Variants in FOXF1 observed in about 807,000 individuals in gnomAD.
FOXF1 encodes forkhead box protein F1.
A neutral mutation model predicts 26.6 loss-of-function variants in FOXF1; 9 were observed. That is an observed-to-expected ratio of 0.34 (90% CI 0.20 to 0.59). The LOEUF (loss-of-function observed/expected upper bound fraction) is 0.59. FOXF1 is among the 20% of genes least tolerant of loss of function. The probability of loss-of-function intolerance (pLI) is 0.83; values close to 1 mark genes in which losing one functional copy is unlikely to be tolerated. For missense variants in FOXF1, 499 were observed against 549.9 expected, an observed-to-expected ratio of 0.91 and a Z score of 0.93; for synonymous variants, 330 against 257.7, an observed-to-expected ratio of 1.28 and a Z score of -2.69.
chr16:86,510,903 G>A lies in FOXF1; in HGVS notation c.334G>A (p.Gly112Ser), dbSNP rs1227889467. 2 of 1,613,874 alleles carry A rather than the reference G, an allele frequency of 1.2e-6. No individual in the cohort carries two copies. Among genetic ancestry groups the A allele is most frequent in the East Asian group, 2.2e-5 (1 of 44,848 alleles). ...CGAGTGCTTCATCAAGCTACCCAAGGGCCTTGGGCGGCCCGGCAAGGGCCA... is the reference window on the plus strand; with the variant it reads ...CGAGTGCTTCATCAAGCTACCCAAGAGCCTTGGGCGGCCCGGCAAGGGCCA... Reference protein sequence around the residue: ...LNECFIKLPKGLGRPGKGHYW... With the variant: ...LNECFIKLPKSLGRPGKGHYW... Residue 112 changes from glycine (G) to serine (S), a missense_variant, in exon 1 of 2, where the codon GGC becomes AGC. Physicochemically the swap from Gly to Ser is moderately conservative, Grantham distance 56. Transcript: ENST00000262426.
chr16:86,513,932 A>T lies in FOXF1; in HGVS notation c.*847A>T, dbSNP rs947906207. ...ACTTTCTGGTCCGAGAACGAGCCGAACACAGCGCGACGCAGGGACTAGGAC... is the reference window on the plus strand; with the variant it reads ...ACTTTCTGGTCCGAGAACGAGCCGATCACAGCGCGACGCAGGGACTAGGAC... On this transcript the variant is annotated 3_prime_UTR_variant, in exon 2 of 2. Transcript: ENST00000262426. 4 of 152,288 alleles carry T rather than the reference A, an allele frequency of 2.6e-5. No homozygotes were observed. The highest frequency in any genetic ancestry group is 4.4e-5 in the Non-Finnish European group (3 of 68,054). The allele number at this position is 152,288 out of a possible 1,614,324, so 9.4% of individuals were successfully genotyped here.
At chr16:86,512,501 G>T (rs1384032323) in intron 1 of FOXF1, among the ~76,000 whole-genome samples, 2 of 152,256 alleles carry the variant, frequency 1.3e-5, no homozygotes, top group African/African-American at 4.8e-5. Context: ...GCCCGGCGCT[G>T]GCCCTGCACT....
chr16:86,514,485 T>C lies in FOXF1; in HGVS notation c.*1400T>C, dbSNP rs1172464011. On this transcript the variant is annotated 3_prime_UTR_variant, in exon 2 of 2. Transcript: ENST00000262426. ...TTTTATTGGGACTGAGATTGTAGAA[T>C]ACCTTCCAGACTCCCAAAGATAGAG... 1 of 152,188 alleles carries C rather than the reference T, an allele frequency of 6.6e-6. No individual in the cohort carries two copies. The highest frequency in any genetic ancestry group is 1.5e-5 in the Non-Finnish European group (1 of 68,036). The allele number at this position is 152,188 out of a possible 1,614,324, so 9.4% of individuals were successfully genotyped here. A position where few individuals can be genotyped will look rare whatever the true frequency, so the allele number is the denominator to read the frequency against.
At position 86,510,667 on chromosome 16, in the gene FOXF1, C is replaced by A. The variant is rs754117677; in HGVS notation, c.98C>A (p.Pro33Gln). The stretch of plus-strand genomic sequence containing the variant: ...GCCATGGACCCCGCGTCGTCCGGCC[C>A]GTCCAAGGCCAAGAAGACCAACGCC... ...GAAMDPASSG[P>Q]SKAKKTNAGI... The change falls in exon 1 of 2, where the codon CCG (proline) becomes CAG (glutamine). Residue 33 changes from proline (P) to glutamine (Q), a missense_variant. By Grantham distance (76) the Pro-to-Gln change is moderately conservative. Around this residue, in one of 5 missense-constraint regions of FOXF1, gnomAD observed 76 missense variants for 78.9 expected, o/e 0.96. Transcript: ENST00000262426. The A allele has an allele frequency of 1.2e-6, 2 of 1,609,270 alleles. No homozygotes were observed. Among genetic ancestry groups the A allele is most frequent in the Non-Finnish European group, 1.7e-6 (2 of 1,178,538 alleles).
In FOXF1 at chr16:86,514,296, C is replaced by T. The variant is rs148271793; in HGVS notation, c.*1211C>T. 1 of 150,630 alleles carries T rather than the reference C, an allele frequency of 6.6e-6. No individual in the cohort carries two copies. Among genetic ancestry groups the T allele is most frequent in the African/African-American group, 2.4e-5 (1 of 40,912 alleles). 9.3% of individuals were successfully genotyped at this position (150,630 alleles called of 1,614,324 possible). A position where few individuals can be genotyped will look rare whatever the true frequency, so the allele number is the denominator to read the frequency against. On this transcript the variant is annotated 3_prime_UTR_variant, in exon 2 of 2. Transcript: ENST00000262426. ...CTGCTAGAGTGCAGCATTTGTGACA[C>T]GTATTTGAAATTTGAAATTTCCTTC...
rs1183901917 is a variant in FOXF1 at position 86,514,079 on chromosome 16, C to T, written c.*994C>T. 1.3e-5 allele frequency: 2 copies of T among 152,212 alleles called. No homozygotes were observed. The highest frequency in any genetic ancestry group is 1.9e-4 in the East Asian group (1 of 5,204). The allele number at this position is 152,212 out of a possible 1,614,324, so 9.4% of individuals were successfully genotyped here. A position where few individuals can be genotyped will look rare whatever the true frequency, so the allele number is the denominator to read the frequency against. On this transcript the variant is annotated 3_prime_UTR_variant, in exon 2 of 2. Transcript: ENST00000262426. ...TCTTTCCCTAATAATCAAAACACCG[C>T]GTAGGCTCCTCCGTTTATCAGTATT...
rs1969596869 is a variant in FOXF1, at chr16:86,513,250, G to C, written c.*165G>C. On this transcript the variant is annotated 3_prime_UTR_variant, in exon 2 of 2. Transcript: ENST00000262426. ...AAGGAGTCCCCAATGCAAAGACACA[G>C]CGCTGCGGTTGGCACCTCCTTCCTC... 2 of 667,834 alleles carry C rather than the reference G, an allele frequency of 3.0e-6. No homozygotes were observed. The highest frequency in any genetic ancestry group is 5.1e-6 in the Non-Finnish European group (2 of 390,702). The allele number at this position is 667,834 out of a possible 1,614,324, so 41.4% of individuals were successfully genotyped here.
chr16:86,513,837 TATG>T lies in FOXF1; in HGVS notation c.*753_*755del, dbSNP rs2143194593. The T allele has an allele frequency of 6.6e-6, 1 of 152,412 alleles. No individual in the cohort carries two copies. Among genetic ancestry groups the T allele is most frequent in the African/African-American group, 2.4e-5 (1 of 41,570 alleles). 9.4% of individuals were successfully genotyped at this position (152,412 alleles called of 1,614,324 possible). ...CTTCCTTCGCTTCAGCCTCTTCTGTTATGTTTTGTCTTGAATTTTATTTAGACT... is the reference window on the plus strand; with the variant it reads ...CTTCCTTCGCTTCAGCCTCTTCTGTTTTTTGTCTTGAATTTTATTTAGACT... On this transcript the variant is annotated 3_prime_UTR_variant, in exon 2 of 2. Transcript: ENST00000262426.
chr16:86,512,689 AGCAGGCAG>A (rs112947944), intron 1 of FOXF1, among the ~76,000 whole-genome samples: 40 of 151,884 alleles, frequency 2.6e-4, no homozygotes, highest in Middle Eastern at 3.4e-3. Flanking sequence ...ACAGGCACGC[AGCAGGCAG>A]GCAGGCAGGC....
rs778520810 is a variant in FOXF1, at chr16:86,513,104, T to C, written c.*19T>C. ...GATGTGAGGCTGCCGCCGCAGGCCC[T>C]CCTGGTGCAGGCAGGCGGGTCACAG... On this transcript the variant is annotated 3_prime_UTR_variant, in exon 2 of 2. Transcript: ENST00000262426. The C allele has an allele frequency of 1.6e-5, 25 of 1,608,126 alleles. No homozygotes were observed. In the Middle Eastern group the frequency reaches 8.3e-4, roughly 53 times the overall value.
intron 1 of FOXF1, among the ~76,000 whole-genome samples, chr16:86,512,558 G>A (rs1969584165): frequency 6.6e-6 from 1 of 152,250 alleles, no homozygotes; most frequent in African/African-American, 2.4e-5. Context: ...TGAGGTTGGG[G>A]GTGGTGGTGG....
intron 1 of FOXF1, among the ~76,000 whole-genome samples, chr16:86,511,838 G>C (rs940581220): frequency 6.6e-6 from 1 of 152,226 alleles, no homozygotes; most frequent in Non-Finnish European, 1.5e-5. Context: ...CCAGACCCCA[G>C]TGCCCTAAGT....
Position 86,511,138 on chromosome 16 carries a change from G to C in FOXF1, c.569G>C (p.Gly190Ala). 2 of 1,601,584 alleles carry C rather than the reference G, an allele frequency of 1.2e-6. No homozygotes were observed. The highest frequency in any genetic ancestry group is 1.7e-6 in the Non-Finnish European group (2 of 1,179,290). The change falls in exon 1 of 2, where the codon GGC becomes GCC. Residue 190 changes from glycine (G) to alanine (A), a missense_variant. Gly to Ala is a moderately conservative substitution (Grantham distance 60). This residue lies in a region of FOXF1 where 367 missense variants were observed against 324.8 expected (regional missense o/e 1.13). Transcript: ENST00000262426. The stretch of plus-strand genomic sequence containing the variant: ...CCGCCCAACAGCCTGGCGCTGGAGG[G>C]CGGCCTGGGCATGATGAACGGCCAC... ...SCPPNSLALE[G>A]GLGMMNGHLP...
Position 86,510,701 on chromosome 16 carries a change from G to C in FOXF1, c.132G>C (p.Arg44=). 6.2e-7 allele frequency: 1 copy of C among 1,613,112 alleles called. No homozygotes were observed. Among genetic ancestry groups the C allele is most frequent in the Non-Finnish European group, 8.5e-7 (1 of 1,179,940 alleles). The part of the protein sequence containing the change: ...SKAKKTNAGI[R]RPEKPPYSYI... The stretch of plus-strand genomic sequence containing the variant: ...CCAAGAAGACCAACGCCGGCATCCG[G>C]CGCCCGGAGAAGCCGCCCTATTCCT... Residue 44 remains arginine (R), a synonymous_variant, in exon 1 of 2, where the codon CGG becomes CGC. Coordinates refer to ENST00000262426, the MANE Select transcript of FOXF1 (RefSeq NM_001451.3).
At chr16:86,512,808 G>C (rs1969588601) in intron 1 of FOXF1, 117 bp from the exon 2 acceptor site, 1 of 1,247,968 alleles carries the variant, frequency 8.0e-7, no homozygotes, top group East Asian at 2.4e-5. Flanking sequence ...CCGTGCTCTG[G>C]AGCCAGGCTG....
rs994171224 is a variant in FOXF1, at chr16:86,510,671, C to G, written c.102C>G (p.Ser34=). Residue 34 remains serine (S), a synonymous_variant, in exon 1 of 2, where the codon TCC becomes TCG. Coordinates refer to ENST00000262426, the MANE Select transcript of FOXF1 (RefSeq NM_001451.3). ...TGGACCCCGCGTCGTCCGGCCCGTC[C>G]AAGGCCAAGAAGACCAACGCCGGCA... ...AAMDPASSGP[S]KAKKTNAGIR... 1.2e-6 allele frequency: 2 copies of G among 1,611,030 alleles called. No individual in the cohort carries two copies. The highest frequency in any genetic ancestry group is 1.3e-5 in the African/African-American group (1 of 74,814).
Position 86,515,303 on chromosome 16 carries a change from G to C in FOXF1, c.*2218G>C, listed in dbSNP as rs1317036158. 6.6e-6 allele frequency: 1 copy of C among 152,108 alleles called. No homozygotes were observed. Among genetic ancestry groups the C allele is most frequent in the African/African-American group, 2.4e-5 (1 of 41,416 alleles). 9.4% of individuals were successfully genotyped at this position (152,108 alleles called of 1,614,324 possible). Reference sequence around the variant, plus strand: ...GCAGTGTCTTGCGTCGTGGGGTCGTGAGTCTCTGAACCTGGTTCTTCTCAG... The same window carrying C: ...GCAGTGTCTTGCGTCGTGGGGTCGTCAGTCTCTGAACCTGGTTCTTCTCAG... On this transcript the variant is annotated 3_prime_UTR_variant, in exon 2 of 2. Coordinates refer to ENST00000262426, the MANE Select transcript of FOXF1 (RefSeq NM_001451.3). The surrounding 1 kb of genome is among the most constrained non-coding windows in gnomAD (Gnocchi z 4.1).
rs1969626090 is a variant in FOXF1 at position 86,515,085 on chromosome 16, T to A, written c.*2000T>A. 1.3e-5 allele frequency: 2 copies of A among 152,228 alleles called. No individual in the cohort carries two copies. The highest frequency in any genetic ancestry group is 4.8e-5 in the African/African-American group (2 of 41,462). 9.4% of individuals were successfully genotyped at this position (152,228 alleles called of 1,614,324 possible). On this transcript the variant is annotated 3_prime_UTR_variant, in exon 2 of 2. Coordinates refer to ENST00000262426, the MANE Select transcript of FOXF1 (RefSeq NM_001451.3). The surrounding 1 kb of genome is among the most constrained non-coding windows in gnomAD (Gnocchi z 4.1). ...CTAAATGAGGCAAAAGGGCGCTTGG[T>A]GGGCCAGGTGACAGGCACCTTTCCA... is the stretch of plus-strand genomic sequence containing the variant.
Position 86,513,384 on chromosome 16 carries a change from AG to A in FOXF1, c.*303del. 7.6e-6 allele frequency: 3 copies of A among 395,660 alleles called. No individual in the cohort carries two copies. The highest frequency in any genetic ancestry group is 1.3e-5 in the Non-Finnish European group (3 of 225,550). 24.5% of individuals were successfully genotyped at this position (395,660 alleles called of 1,614,324 possible). A position where few individuals can be genotyped will look rare whatever the true frequency, so the allele number is the denominator to read the frequency against. On this transcript the variant is annotated 3_prime_UTR_variant, in exon 2 of 2. Coordinates refer to ENST00000262426, the MANE Select transcript of FOXF1 (RefSeq NM_001451.3). ...GAACCCGCCTGAGACGGTGCTGTGC[AG>A]GGGAAAGCCCCCGCACCCACACAGG...
Sources: allele counts gnomAD v4.1 joint callset (sites outside exome capture counted in the v4.1 genomes callset), GRCh38; gene constraint gnomAD v4.1.1; regional missense constraint gnomAD v4.1.1; non-coding constraint Gnocchi (gnomAD v3.1); transcripts MANE v1.5; gene names NCBI Gene and HGNC (gene_info 2026-07-23, HGNC 2026-07-21).